Variants in UGT1A10 observed in about 807,000 individuals in gnomAD.
UGT1A10 encodes UDP-glucuronosyltransferase 1A10.
A neutral mutation model predicts 45.8 loss-of-function variants in UGT1A10; 49 were observed. That is an observed-to-expected ratio of 1.07 (90% CI 0.85 to 1.36). The LOEUF is 1.36. UGT1A10 is among the 40% of genes most tolerant of loss of function. UGT1A10 has a pLI of 0.00. For missense variants in UGT1A10, 745 were observed against 668.6 expected, an observed-to-expected ratio of 1.11 and a Z score of -1.26; for synonymous variants, 284 against 249.7, an observed-to-expected ratio of 1.14 and a Z score of -1.29.
intron 1 of UGT1A10, chr2:233,743,938 A>G (rs754327674): frequency 7.4e-7 from 1 of 1,356,050 alleles, no homozygotes; most frequent in African/African-American, 1.5e-5. Context: ...AGAACGGCCC[A>G]CCAGGCACTG....
chr2:233,640,048 G>A (rs1328283662), intron 1 of UGT1A10, among the ~76,000 whole-genome samples: 2 of 152,194 alleles, frequency 1.3e-5, no homozygotes, highest in Non-Finnish European at 2.9e-5. Context: ...CCTGGGGATA[G>A]GATGTGGTTA....
At chr2:233,731,160 C>T (rs1477166439) in intron 1 of UGT1A10, among the ~76,000 whole-genome samples, 4 of 151,954 alleles carry the variant, frequency 2.6e-5, no homozygotes, top group South Asian at 2.1e-4. Flanking sequence ...TTTGATCAAA[C>T]GACATGATTT....
intron 1 of UGT1A10, among the ~76,000 whole-genome samples, chr2:233,710,685 A>T (rs2076142987): frequency 9.2e-5 from 14 of 152,132 alleles, no homozygotes; most frequent in Admixed American, 9.2e-4. Flanking sequence ...GTTTCTGTTT[A>T]CTTCTGGTGT....
chr2:233,699,963 C>T (rs550263669), intron 1 of UGT1A10, among the ~76,000 whole-genome samples: 13 of 152,298 alleles, frequency 8.5e-5, no homozygotes, highest in African/African-American at 1.2e-4. Context: ...GAAAAATACC[C>T]GTCCCCCAAC....
At position 233,661,601 on chromosome 2, in the gene UGT1A10, A is replaced by G. The variant is rs564049184; in HGVS notation, c.855+24224A>G. On this transcript the variant is annotated intron_variant, in intron 1 of 4. Coordinates refer to ENST00000344644, the MANE Select transcript of UGT1A10 (RefSeq NM_019075.4). Reference sequence around the variant, plus strand: ...GCAAGGTTTGAAGCCTGCTGGCATCACTGCAGTGAAGACTTACTGAATTTT... The same window carrying G: ...GCAAGGTTTGAAGCCTGCTGGCATCGCTGCAGTGAAGACTTACTGAATTTT... Among the ~76,000 whole-genome samples the G allele has an allele frequency of 4.2e-5, 6 of 142,238 alleles. No individual in the cohort carries two copies. The East Asian group carries it at 1.2e-3, about 28-fold the overall frequency. The allele number at this position is 142,238 out of a possible 152,430, so 93.3% of individuals were successfully genotyped here.
Position 233,637,257 on chromosome 2 carries a change from C to A in UGT1A10, c.735C>A (p.Tyr245Ter), listed in dbSNP as rs1380566850. The change falls in exon 1 of 5, where the codon TAC (tyrosine) becomes TAA (stop). Residue 245 changes from tyrosine to a stop codon, truncating the protein, a stop_gained. Transcript: ENST00000344644. LOFTEE classifies it high-confidence loss of function. ...CCCCTGTCACGGCATATGATCTCTA[C>A]AGTCACACATCAATTTGGTTGTTGC... ...LQTPVTAYDL[Y>*]SHTSIWLLRT... The A allele has an allele frequency of 1.9e-6, 3 of 1,613,992 alleles. No homozygotes were observed. In the East Asian group the frequency reaches 6.7e-5, roughly 36 times the overall value.
chr2:233,681,759 A>G (rs1294267039), intron 1 of UGT1A10: 1 of 899,776 alleles, frequency 1.1e-6, no homozygotes. Flanking sequence ...CAGGTATCTC[A>G]GCAAAGGCTA....
At chr2:233,755,420 G>A (rs187061066) in intron 1 of UGT1A10, 126 of 320,310 alleles carry the variant, frequency 3.9e-4, no homozygotes, top group African/African-American at 1.9e-3. Context: ...GCCTGTGAGC[G>A]CCTCGCATCC....
In UGT1A10 at chr2:233,766,921, C is replaced by T. The variant is rs6708136; in HGVS notation, c.856-113C>T. 45,255 of 1,558,610 alleles carry T rather than the reference C, an allele frequency of 0.029. 712 individuals are homozygous for T. The highest frequency in any genetic ancestry group is 0.049 in the African/African-American group (3,601 of 72,856). Reference sequence around the variant, plus strand: ...ATAATTTTTTACTCTATCTCAAACACGCATGCCTTTAATCATAGTCTTAAG... The same window carrying T: ...ATAATTTTTTACTCTATCTCAAACATGCATGCCTTTAATCATAGTCTTAAG... On this transcript the variant is annotated intron_variant, in intron 1 of 4. Coordinates refer to ENST00000344644, the MANE Select transcript of UGT1A10 (RefSeq NM_019075.4).
At chr2:233,747,955 T>C in intron 1 of UGT1A10, 1 of 1,613,464 alleles carries the variant, frequency 6.2e-7, no homozygotes, top group East Asian at 2.2e-5. Flanking sequence ...GTGGTGGATC[T>C]TCTCAGCCAT....
Position 233,772,333 on chromosome 2 carries a change from T to C in UGT1A10, c.1367T>C (p.Val456Ala). The part of the protein sequence containing the change: ...DRPVEPLDLA[V>A]FWVEFVMRHK... Reference sequence around the variant, plus strand: ...CCGGTGGAGCCGCTGGACCTGGCCGTGTTCTGGGTGGAGTTTGTGATGAGG... The same window carrying C: ...CCGGTGGAGCCGCTGGACCTGGCCGCGTTCTGGGTGGAGTTTGTGATGAGG... The change falls in exon 5 of 5, where the codon GTG becomes GCG. Residue 456 changes from valine (V) to alanine (A), a missense_variant. Physicochemically the swap from Val to Ala is moderately conservative, Grantham distance 64 (BLOSUM62 0). Coordinates refer to ENST00000344644, the MANE Select transcript of UGT1A10 (RefSeq NM_019075.4). 6.2e-7 allele frequency: 1 copy of C among 1,614,126 alleles called. No individual in the cohort carries two copies. Among genetic ancestry groups the C allele is most frequent in the Non-Finnish European group, 8.5e-7 (1 of 1,180,008 alleles).
Position 233,636,888 on chromosome 2 carries a change from G to A in UGT1A10, c.366G>A (p.Ser122=), listed in dbSNP as rs767585841. 20 of 1,613,596 alleles carry A rather than the reference G, an allele frequency of 1.2e-5. No homozygotes were observed. The highest frequency in any genetic ancestry group is 4.5e-5 in the East Asian group (2 of 44,894). ...SSSGFLDLFF[S]HCRSLFNDRK... ...GTGGTTTTCTTGACTTATTTTTTTC[G>A]CATTGCAGGAGTTTGTTTAATGACC... The change falls in exon 1 of 5, where the codon TCG becomes TCA. Residue 122 remains serine, a synonymous_variant. Coordinates refer to ENST00000344644, the MANE Select transcript of UGT1A10 (RefSeq NM_019075.4).
intron 1 of UGT1A10, among the ~76,000 whole-genome samples, chr2:233,711,310 G>T (rs1337998039): frequency 6.6e-6 from 1 of 152,194 alleles, no homozygotes; most frequent in Non-Finnish European, 1.5e-5. Context: ...AGATGACATT[G>T]GTGTCTAAAC....
At chr2:233,692,754 G>C (rs1306162834) in intron 1 of UGT1A10, 1 of 1,140,734 alleles carries the variant, frequency 8.8e-7, no homozygotes, top group Non-Finnish European at 1.2e-6. Context: ...GCAGACTTGT[G>C]GAGCTGAAGA....
chr2:233,750,073 G>A (rs535406029), intron 1 of UGT1A10, among the ~76,000 whole-genome samples: 50 of 151,996 alleles, frequency 3.3e-4, no homozygotes, highest in East Asian at 3.9e-4. Flanking sequence ...CTGGGTAACA[G>A]GCAGAGGTTG....
intron 1 of UGT1A10, chr2:233,722,037 T>C (rs1179266679): frequency 1.2e-5 from 3 of 240,304 alleles, no homozygotes; most frequent in African/African-American, 2.3e-5. Flanking sequence ...AATTGCATGA[T>C]TTTGTGGTGT....
intron 3 of UGT1A10, 36 bp downstream of exon 3, chr2:233,767,972 G>C (rs1383669551): frequency 1.9e-6 from 3 of 1,613,998 alleles, no homozygotes; most frequent in Non-Finnish European, 2.5e-6. Context: ...GGTCAAACCA[G>C]GGTCAAATTA....
intron 1 of UGT1A10, among the ~76,000 whole-genome samples, chr2:233,667,952 T>C (rs2074111208): frequency 6.6e-6 from 1 of 152,164 alleles, no homozygotes; most frequent in South Asian, 2.1e-4. Flanking sequence ...AACTTTTTAT[T>C]TTACAATAAA....
intron 1 of UGT1A10, chr2:233,729,232 A>G: frequency 6.2e-7 from 1 of 1,614,202 alleles, no homozygotes. Flanking sequence ...GGTGGTGCCC[A>G]TTGATGGCAG....
Sources: gnomAD v4.1 joint callset for allele counts (sites outside exome capture counted in the v4.1 genomes callset) on GRCh38, gnomAD v4.1.1 for gene constraint, MANE v1.5 for transcripts, NCBI Gene and HGNC (gene_info 2026-07-23, HGNC 2026-07-21) for gene names.